Variants in GLIS3 observed in about 807,000 individuals in gnomAD.
GLIS3 encodes zinc finger protein GLIS3.
A neutral mutation model predicts 78.6 loss-of-function variants in GLIS3; 53 were observed. The observed-to-expected ratio is 0.67, with a 90% CI of 0.54 to 0.85. The LOEUF (loss-of-function observed/expected upper bound fraction) is 0.85. Among genes scored for constraint, GLIS3 ranks in the 40% least tolerant of loss-of-function variants. The pLI is 0.00. For missense variants in GLIS3, 1,703 were observed against 1,231.1 expected (o/e 1.38, Z -5.74); for synonymous variants, 684 against 509.9 (o/e 1.34, Z -4.60).
chr9:4,445,896 G>A, the GLIS3 span, among the ~76,000 whole-genome samples: 1 of 152,224 alleles, frequency 6.6e-6, no homozygotes, highest in Non-Finnish European at 1.5e-5. Flanking sequence ...TGCCATCCAA[G>A]AGGACAGATA....
intron 4 of GLIS3, among the ~76,000 whole-genome samples, chr9:3,998,304 G>T (rs1820881319): frequency 6.6e-6 from 1 of 152,120 alleles, no homozygotes; most frequent in Admixed American, 6.6e-5. Flanking sequence ...TTAATGAGGT[G>T]TCATTCTCCA....
chr9:4,375,206 T>G, the GLIS3 span, among the ~76,000 whole-genome samples: 2 of 152,112 alleles, frequency 1.3e-5, no homozygotes, highest in Non-Finnish European at 2.9e-5. Context: ...CAAAAGAGGT[T>G]TGAAGGGAAG....
chr9:3,872,050 C>A (rs568909400), intron 8 of GLIS3, among the ~76,000 whole-genome samples: 28 of 152,306 alleles, frequency 1.8e-4, no homozygotes, highest in Middle Eastern at 6.8e-3. Flanking sequence ...CTCTCAAGTT[C>A]AAAGTTCCAC....
chr9:4,087,276 A>G (rs2130731768), intron 4 of GLIS3, among the ~76,000 whole-genome samples: 1 of 152,296 alleles, frequency 6.6e-6, no homozygotes, highest in African/African-American at 2.4e-5. Context: ...TAGGCCATGG[A>G]TAAACATTTA....
intron 2 of GLIS3, among the ~76,000 whole-genome samples, chr9:4,162,676 G>T (rs1251800282): frequency 6.6e-6 from 1 of 151,790 alleles, no homozygotes; most frequent in Non-Finnish European, 1.5e-5. Context: ...CTAACACGGT[G>T]AAATCCCATC....
At chr9:4,020,571 A>G (rs141225222) in intron 4 of GLIS3, among the ~76,000 whole-genome samples, 4 of 152,336 alleles carry the variant, frequency 2.6e-5, no homozygotes, top group African/African-American at 9.6e-5. Flanking sequence ...GCAATCTAAG[A>G]GGCATAAACC....
chr9:4,407,053 G>A, the GLIS3 span, among the ~76,000 whole-genome samples: 1 of 152,118 alleles, frequency 6.6e-6, no homozygotes, highest in Non-Finnish European at 1.5e-5. Context: ...ATACTACAGA[G>A]CTTCTGTAAC....
chr9:3,916,845 A>C (rs1278009000), intron 6 of GLIS3, among the ~76,000 whole-genome samples: 1 of 152,224 alleles, frequency 6.6e-6, no homozygotes, highest in Non-Finnish European at 1.5e-5. Flanking sequence ...TTGCTCTTGA[A>C]AAAGCAGGTA....
intron 4 of GLIS3, among the ~76,000 whole-genome samples, chr9:3,950,294 G>A (rs938857173): frequency 2.0e-5 from 3 of 152,180 alleles, no homozygotes; most frequent in Non-Finnish European, 4.4e-5. Flanking sequence ...GTGTCACACT[G>A]CAGCTGGAGT....
chr9:4,217,279 C>T (rs927837612), intron 2 of GLIS3, among the ~76,000 whole-genome samples: 2 of 152,166 alleles, frequency 1.3e-5, no homozygotes, highest in African/African-American at 4.8e-5. Context: ...TCAGCTCAGG[C>T]TCCATATCTG....
intron 2 of GLIS3, among the ~76,000 whole-genome samples, chr9:4,190,308 T>A: frequency 6.6e-6 from 1 of 152,186 alleles, no homozygotes; most frequent in African/African-American, 2.4e-5. Flanking sequence ...AATGTATAAC[T>A]AGAATAACCA....
At chr9:4,437,764 G>T in the GLIS3 span, among the ~76,000 whole-genome samples, 3 of 152,172 alleles carry the variant, frequency 2.0e-5, no homozygotes, top group East Asian at 5.8e-4. Flanking sequence ...CTCTTCCTCA[G>T]CCTACTTGTT....
chr9:4,283,867 A>G (rs1225581272), intron 2 of GLIS3, among the ~76,000 whole-genome samples: 3 of 152,208 alleles, frequency 2.0e-5, no homozygotes, highest in African/African-American at 7.2e-5. Flanking sequence ...AGGTGATAAT[A>G]ATACAGCTGT....
At chr9:4,391,197 T>C in the GLIS3 span, among the ~76,000 whole-genome samples, 1 of 152,170 alleles carries the variant, frequency 6.6e-6, no homozygotes, top group African/African-American at 2.4e-5. Context: ...GATCCCCCTT[T>C]CATAGATGCA....
chr9:4,364,752 ATTGCTTT>A, the GLIS3 span, among the ~76,000 whole-genome samples: 1 of 29,836 alleles, frequency 3.4e-5, no homozygotes, highest in African/African-American at 1.0e-4. Flanking sequence ...GTCATCATGT[ATTGCTTT>A]TTTTTTTTTT....
chr9:4,265,396 C>T (rs886163664), intron 2 of GLIS3, among the ~76,000 whole-genome samples: 1 of 141,586 alleles, frequency 7.1e-6, no homozygotes, highest in African/African-American at 2.9e-5. Flanking sequence ...AGATATTATC[C>T]CTTAGAAAGG....
intron 4 of GLIS3, among the ~76,000 whole-genome samples, chr9:4,031,601 A>G (rs1177937102): frequency 6.6e-6 from 1 of 152,236 alleles, no homozygotes; most frequent in African/African-American, 2.4e-5. Context: ...GAATACCACC[A>G]AACTACAGAC....
chr9:4,487,470 C>G, the GLIS3 span, among the ~76,000 whole-genome samples: 2 of 152,066 alleles, frequency 1.3e-5, no homozygotes, highest in Non-Finnish European at 2.9e-5. Flanking sequence ...AAGCCAGGTG[C>G]CCAAGGTCAC....
At chr9:4,016,745 G>C (rs1224991450) in intron 4 of GLIS3, among the ~76,000 whole-genome samples, 4 of 152,180 alleles carry the variant, frequency 2.6e-5, no homozygotes, top group African/African-American at 4.8e-5. Flanking sequence ...CATTAAATGA[G>C]ACATCTAAGG....
Sources: allele counts gnomAD v4.1 joint callset (sites outside exome capture counted in the v4.1 genomes callset), GRCh38; gene constraint gnomAD v4.1.1; transcripts MANE v1.5; gene names NCBI Gene and HGNC (gene_info 2026-07-23, HGNC 2026-07-21).